The following PITPNM3 variants were observed in gnomAD, a reference collection of about 807,000 sequenced individuals.
The protein encoded by PITPNM3 is PITPNM family member 3, also known as membrane-associated phosphatidylinositol transfer protein 3.
A neutral mutation model predicts 102.0 loss-of-function variants in PITPNM3; 26 were observed. The observed-to-expected ratio is 0.25, with a 90% CI of 0.19 to 0.35. The LOEUF is 0.35. Among genes scored for constraint, PITPNM3 ranks in the 10% least tolerant of loss-of-function variants. The probability of loss-of-function intolerance (pLI) is 1.00; values close to 1 mark genes in which losing one functional copy is unlikely to be tolerated. For missense variants in PITPNM3, 1,083 were observed against 1,346.1 expected (o/e 0.80, Z 3.06); for synonymous variants, 578 against 558.6 (o/e 1.03, Z -0.49).
Position 6,463,290 on chromosome 17 carries a change from C to G in PITPNM3, c.2306+442G>C, listed in dbSNP as rs553128922. ...GAGTCCTGGGTTACAGTTTCTCATG[C>G]CTGTGACTTATTTTCCCCACCAGAC... On this transcript the variant is annotated intron_variant, in intron 17 of 19. Transcript: ENST00000262483. 8.5e-5 allele frequency among the ~76,000 whole-genome samples: 13 copies of G among 152,236 alleles called. No homozygotes were observed. In the South Asian group the frequency reaches 2.7e-3, roughly 32 times the overall value.
chr17:6,530,245 C>T (rs1021021565), intron 2 of PITPNM3, among the ~76,000 whole-genome samples: 7 of 152,156 alleles, frequency 4.6e-5, no homozygotes, highest in African/African-American at 7.2e-5. Context: ...TGGAAACTGC[C>T]GGGAGGCTGA....
At position 6,457,053 on chromosome 17, in the gene PITPNM3, C is replaced by T. The variant is rs1011711509; in HGVS notation, c.2619+541G>A. On this transcript the variant is annotated intron_variant, in intron 19 of 19. Transcript: ENST00000262483. The surrounding 1 kb of genome is among the most constrained non-coding windows in gnomAD (Gnocchi z 4.7). ...GTCCCCACACAGGCCATCTTGGCCG[C>T]ACTGACCGTTCTAGCCCCGCCCCCC... is the stretch of plus-strand genomic sequence containing the variant. 6.6e-6 allele frequency among the ~76,000 whole-genome samples: 1 copy of T among 150,796 alleles called. No individual in the cohort carries two copies. The highest frequency in any genetic ancestry group is 1.5e-5 in the Non-Finnish European group (1 of 67,496).
intron 2 of PITPNM3, among the ~76,000 whole-genome samples, chr17:6,536,456 C>A (rs953715106): frequency 7.2e-5 from 11 of 152,232 alleles, no homozygotes; most frequent in African/African-American, 2.7e-4. Context: ...TCAGCCCCAG[C>A]AGCCACTCTA....
Position 6,556,018 on chromosome 17 carries a change from G to A in PITPNM3, c.22+367C>T, listed in dbSNP as rs1910584838. ...CGTCCCGGTTTGCGTTGGGGTGTGG[G>A]ACGAAGCGGCGGCCGCGGGACATCC... On this transcript the variant is annotated intron_variant, in intron 1 of 19. Coordinates refer to ENST00000262483, the MANE Select transcript of PITPNM3 (RefSeq NM_031220.4). This position sits in a 1 kb window ranked among gnomAD's most constrained non-coding sequence, Gnocchi z 5.2. Among the ~76,000 whole-genome samples the A allele has an allele frequency of 6.6e-6, 1 of 152,180 alleles. No individual in the cohort carries two copies. Among genetic ancestry groups the A allele is most frequent in the South Asian group, 2.1e-4 (1 of 4,834 alleles).
intron 3 of PITPNM3, among the ~76,000 whole-genome samples, chr17:6,518,752 A>C (rs1908323198): frequency 6.6e-6 from 1 of 152,214 alleles, no homozygotes; most frequent in Non-Finnish European, 1.5e-5. Context: ...AGAGAAAGAG[A>C]AAGATGGAGG....
At chr17:6,547,513 C>T (rs905824982) in intron 1 of PITPNM3, among the ~76,000 whole-genome samples, 2 of 151,980 alleles carry the variant, frequency 1.3e-5, no homozygotes, top group African/African-American at 2.4e-5. Flanking sequence ...ACGAGTTCCC[C>T]GTAGCACCTG....
chr17:6,551,695 A>C (rs1910307343), intron 1 of PITPNM3, among the ~76,000 whole-genome samples: 2 of 152,130 alleles, frequency 1.3e-5, no homozygotes, highest in African/African-American at 4.8e-5. Flanking sequence ...GGGCAACGTA[A>C]TGAGACCCCC....
intron 4 of PITPNM3, among the ~76,000 whole-genome samples, chr17:6,494,242 C>T (rs931769120): frequency 1.3e-5 from 2 of 152,174 alleles, no homozygotes; most frequent in East Asian, 1.9e-4. Flanking sequence ...GGCTCTTCAT[C>T]GTCCTGAAGG....
intron 14 of PITPNM3, 38 bp from the exon 15 acceptor site, chr17:6,464,809 G>A: frequency 6.2e-7 from 1 of 1,601,700 alleles, no homozygotes; most frequent in Non-Finnish European, 8.6e-7. Context: ...GCCCTTGCAA[G>A]GGAGGCTCAA....
rs1483681917 is a variant in PITPNM3, at chr17:6,469,492, G to A, written c.1773+768C>T. ...TGCTCTTCCGCACGTGCAGGACACA[G>A]AACCACCTTAGTCACTCAAGTGGGA... is the stretch of plus-strand genomic sequence containing the variant. On this transcript the variant is annotated intron_variant, in intron 13 of 19. Transcript: ENST00000262483. This position sits in a 1 kb window ranked among gnomAD's most constrained non-coding sequence, Gnocchi z 4.0. Among the ~76,000 whole-genome samples, 1 of 151,688 alleles carries A rather than the reference G, an allele frequency of 6.6e-6. No homozygotes were observed. The highest frequency in any genetic ancestry group is 1.9e-4 in the East Asian group (1 of 5,136).
chr17:6,484,128 A>G (rs1905925583), intron 5 of PITPNM3, 88 bp downstream of exon 5: 1 of 1,406,976 alleles, frequency 7.1e-7, no homozygotes, highest in Non-Finnish European at 1.0e-6. Context: ...AAGAGCTGGA[A>G]GAAAACGAGG....
intron 2 of PITPNM3, among the ~76,000 whole-genome samples, chr17:6,533,611 T>C (rs1909257013): frequency 6.6e-6 from 1 of 152,050 alleles, no homozygotes; most frequent in African/African-American, 2.4e-5. Context: ...TGTGTCACCA[T>C]GCCCAGCTAA....
rs1008686964 is a variant in PITPNM3, at chr17:6,454,645, G to C, written c.*693C>G. On this transcript the variant is annotated 3_prime_UTR_variant, in exon 20 of 20. Transcript: ENST00000262483. ...GGGAGGGCATGAGGCAGGGCTCCGG[G>C]AAGAGGAAGCCCTGGCCTCCAGGGC... is the stretch of plus-strand genomic sequence containing the variant. 1 of 152,456 alleles carries C rather than the reference G, an allele frequency of 6.6e-6. No homozygotes were observed. Among genetic ancestry groups the C allele is most frequent in the Admixed American group, 6.5e-5 (1 of 15,292 alleles). The allele number at this position is 152,456 out of a possible 1,614,324, so 9.4% of individuals were successfully genotyped here. A position where few individuals can be genotyped will look rare whatever the true frequency, so the allele number is the denominator to read the frequency against.
intron 4 of PITPNM3, among the ~76,000 whole-genome samples, chr17:6,492,794 T>C (rs1597382160): frequency 6.6e-6 from 1 of 151,820 alleles, no homozygotes; most frequent in Non-Finnish European, 1.5e-5. Flanking sequence ...CAGGTGGAGG[T>C]TGCAGTGAAC....
At position 6,517,032 on chromosome 17, in the gene PITPNM3, G is replaced by A. The variant is rs757291143; in HGVS notation, c.226+8324C>T. Among the ~76,000 whole-genome samples, 15 of 152,280 alleles carry A rather than the reference G, an allele frequency of 9.9e-5. No homozygotes were observed. Among genetic ancestry groups the A allele is most frequent in the East Asian group, 1.9e-4 (1 of 5,190 alleles). On this transcript the variant is annotated intron_variant, in intron 3 of 19. Coordinates refer to ENST00000262483, the MANE Select transcript of PITPNM3 (RefSeq NM_031220.4). The surrounding 1 kb of genome is among the most constrained non-coding windows in gnomAD (Gnocchi z 4.1). Reference sequence around the variant, plus strand: ...AATAGCTGCAGAGATAGTTGGGAACGTGATAATGGAGGCAGATAAGCTCAC... The same window carrying A: ...AATAGCTGCAGAGATAGTTGGGAACATGATAATGGAGGCAGATAAGCTCAC...
chr17:6,554,384 T>C (rs1018467931), intron 1 of PITPNM3, among the ~76,000 whole-genome samples: 2 of 148,908 alleles, frequency 1.3e-5, no homozygotes, highest in Non-Finnish European at 3.0e-5. Context: ...CTGGGAGAGC[T>C]GAGCTGAGAA....
At position 6,455,019 on chromosome 17, in the gene PITPNM3, G is replaced by A. The variant is rs970147928; in HGVS notation, c.*319C>T. 3 of 384,334 alleles carry A rather than the reference G, an allele frequency of 7.8e-6. No homozygotes were observed. The highest frequency in any genetic ancestry group is 1.4e-5 in the Non-Finnish European group (3 of 214,024). 23.8% of individuals were successfully genotyped at this position (384,334 alleles called of 1,614,324 possible). A position where few individuals can be genotyped will look rare whatever the true frequency, so the allele number is the denominator to read the frequency against. ...AGCCTGGGGACGCAGGAGGGTGGTC[G>A]ACTTTGCCCAAACGCTTCAGCCCCG... On this transcript the variant is annotated 3_prime_UTR_variant, in exon 20 of 20. Transcript: ENST00000262483.
At chr17:6,509,677 C>G (rs1471603765) in intron 3 of PITPNM3, among the ~76,000 whole-genome samples, 1 of 152,156 alleles carries the variant, frequency 6.6e-6, no homozygotes, top group Admixed American at 6.5e-5. Flanking sequence ...CTGCTCAGGC[C>G]ACTCCCAGCA....
intron 2 of PITPNM3, among the ~76,000 whole-genome samples, chr17:6,529,967 T>C (rs1366591551): frequency 1.3e-5 from 2 of 152,180 alleles, no homozygotes; most frequent in South Asian, 2.1e-4. Flanking sequence ...TGGGGGCCTG[T>C]GGCACACCTG....
Sources: gnomAD v4.1 joint callset for allele counts (sites outside exome capture counted in the v4.1 genomes callset) on GRCh38, gnomAD v4.1.1 for gene constraint, Gnocchi (gnomAD v3.1) non-coding constraint, MANE v1.5 for transcripts, NCBI Gene and HGNC (gene_info 2026-07-23, HGNC 2026-07-21) for gene names.